Variants in GABRA4 observed in about 807,000 individuals in gnomAD.
The protein encoded by GABRA4 is gamma-aminobutyric acid type A receptor subunit alpha4.
A neutral mutation model predicts 49.7 loss-of-function variants in GABRA4; 12 were observed. That is an observed-to-expected ratio of 0.24 (90% CI 0.15 to 0.39). The LOEUF is 0.39. Ranked by LOEUF, GABRA4 falls within the 10% of genes least tolerant of loss-of-function variation. The pLI, the probability that GABRA4 is intolerant of heterozygous loss-of-function variation, is 1.00. For missense variants in GABRA4, 506 were observed against 686.0 expected (o/e 0.74, Z 2.93); for synonymous variants, 288 against 240.2 (o/e 1.20, Z -1.84).
At position 46,928,184 on chromosome 4, in the gene GABRA4, G is replaced by T; in HGVS notation, c.*41C>A. 7.0e-7 allele frequency: 1 copy of T among 1,434,786 alleles called. No homozygotes were observed. Among genetic ancestry groups the T allele is most frequent in the Non-Finnish European group, 9.4e-7 (1 of 1,059,038 alleles). 88.9% of individuals were successfully genotyped at this position (1,434,786 alleles called of 1,614,324 possible). Reference sequence around the variant, plus strand: ...TTAAAAACATTTAAAAAGACATTCTGCATTTTCATCATCTTTTAGCAAACT... The same window carrying T: ...TTAAAAACATTTAAAAAGACATTCTTCATTTTCATCATCTTTTAGCAAACT... On this transcript the variant is annotated 3_prime_UTR_variant, in exon 9 of 9. Transcript: ENST00000264318.
Position 46,919,857 on chromosome 4 carries a change from G to A in GABRA4, c.*8368C>T, listed in dbSNP as rs1720909344. 1 of 151,666 alleles carries A rather than the reference G, an allele frequency of 6.6e-6. No individual in the cohort carries two copies. The highest frequency in any genetic ancestry group is 2.4e-5 in the African/African-American group (1 of 41,400). 9.4% of individuals were successfully genotyped at this position (151,666 alleles called of 1,614,324 possible). A position where few individuals can be genotyped will look rare whatever the true frequency, so the allele number is the denominator to read the frequency against. On this transcript the variant is annotated 3_prime_UTR_variant, in exon 9 of 9. Transcript: ENST00000264318. ...CTATTTCAAACTACAGACATTCAAA[G>A]TATTATCGCATAGATACACCTTTGC... is the stretch of plus-strand genomic sequence containing the variant.
chr4:46,972,951 T>C (rs780464195), intron 6 of GABRA4, among the ~76,000 whole-genome samples: 4 of 151,802 alleles, frequency 2.6e-5, no homozygotes, highest in Non-Finnish European at 5.9e-5. Flanking sequence ...GTCTTAGCAT[T>C]TTATCTCGCA....
chr4:46,965,014 C>T lies in GABRA4; in HGVS notation c.1090G>A (p.Ala364Thr), dbSNP rs769919150. 15 of 1,611,416 alleles carry T rather than the reference C, an allele frequency of 9.3e-6. No individual in the cohort carries two copies. The highest frequency in any genetic ancestry group is 1.3e-5 in the African/African-American group (1 of 74,670). ...KTSKPPQEVP[A>T]APVQREKHPE... is the part of the protein sequence containing the mutation. ...TGCTTCTCTCTCTGCACTGGAGCAG[C>T]GGGAACTTCCTGAGGGGGCTTTGAT... is the stretch of plus-strand genomic sequence containing the variant. Residue 364 changes from alanine (A) to threonine (T), a missense_variant, in exon 8 of 9, where the codon GCT becomes ACT. Transcript: ENST00000264318.
rs993031722 is a variant in GABRA4, at chr4:46,919,252, A to C, written c.*8973T>G. The C allele has an allele frequency of 1.3e-5, 2 of 151,622 alleles. No individual in the cohort carries two copies. Among genetic ancestry groups the C allele is most frequent in the African/African-American group, 4.8e-5 (2 of 41,430 alleles). The allele number at this position is 151,622 out of a possible 1,614,324, so 9.4% of individuals were successfully genotyped here. ...AAATCATTTCCTGATGAATTACTTTAAAATAGTAAACCAATATTTGATAAT... is the reference window on the plus strand; with the variant it reads ...AAATCATTTCCTGATGAATTACTTTCAAATAGTAAACCAATATTTGATAAT... On this transcript the variant is annotated 3_prime_UTR_variant, in exon 9 of 9. Transcript: ENST00000264318.
chr4:46,976,354 CAAAAAA>C (rs71193888), intron 5 of GABRA4, among the ~76,000 whole-genome samples: 4 of 51,758 alleles, frequency 7.7e-5, no homozygotes, highest in Non-Finnish European at 1.1e-4. Flanking sequence ...CACCCATTCT[CAAAAAA>C]AAAAAAAAAA....
At chr4:46,991,583 G>T (rs967634046) in intron 2 of GABRA4, among the ~76,000 whole-genome samples, 2 of 152,108 alleles carry the variant, frequency 1.3e-5, no homozygotes, top group African/African-American at 4.8e-5. Flanking sequence ...GTATAAAGTT[G>T]CTCCATGCTT....
Position 46,992,810 on chromosome 4 carries a change from G to C in GABRA4, c.205+18C>G. ...AGGGACAGACAGGACACACTTGCGC[G>C]TTTGAAATCGTTCATACCCCCAAAT... On this transcript the variant is annotated intron_variant, in intron 2 of 8. Coordinates refer to ENST00000264318, the MANE Select transcript of GABRA4 (RefSeq NM_000809.4). 1 of 1,569,084 alleles carries C rather than the reference G, an allele frequency of 6.4e-7. No individual in the cohort carries two copies. Among genetic ancestry groups the C allele is most frequent in the Non-Finnish European group, 8.8e-7 (1 of 1,138,850 alleles).
Position 46,971,165 on chromosome 4 carries a change from A to C in GABRA4, c.792T>G (p.Tyr264Ter). Residue 264 changes from tyrosine (Y) to a stop codon, truncating the protein, a stop_gained, in exon 7 of 9, where the codon TAT becomes TAG. Coordinates refer to ENST00000264318, the MANE Select transcript of GABRA4 (RefSeq NM_000809.4). LOFTEE classifies it high-confidence loss of function. ...GAATCACTGTCATAATGCACGGAAT[A>C]TAGGTCTGAATCATAAAATAACCCA... ...RKMGYFMIQTYIPCIMTVILS... is the reference protein window; with the variant it reads ...RKMGYFMIQT 1 of 1,609,454 alleles carries C rather than the reference A, an allele frequency of 6.2e-7. No homozygotes were observed. Among genetic ancestry groups the C allele is most frequent in the Non-Finnish European group, 8.5e-7 (1 of 1,176,786 alleles).
Position 46,939,556 on chromosome 4 carries a change from T to C in GABRA4, c.1135-10801A>G, listed in dbSNP as rs553883635. 1.7e-3 allele frequency among the ~76,000 whole-genome samples: 266 copies of C among 152,132 alleles called. 14 individuals carry two copies. In the South Asian group the frequency reaches 0.053, roughly 31 times the overall value. On this transcript the variant is annotated intron_variant, in intron 8 of 8. Coordinates refer to ENST00000264318, the MANE Select transcript of GABRA4 (RefSeq NM_000809.4). ...ATTCATTATTTGAATCCCAAATACA[T>C]ACTCTTAACCACTTCAAGAGGCCAC...
At chr4:46,946,702 T>A (rs1721992779) in intron 8 of GABRA4, among the ~76,000 whole-genome samples, 1 of 152,126 alleles carries the variant, frequency 6.6e-6, no homozygotes, top group African/African-American at 2.4e-5. Context: ...CACAAATTAG[T>A]CTTTTAACAA....
rs746394486 is a variant in GABRA4 at position 46,928,436 on chromosome 4, C to T, written c.1454G>A (p.Arg485Lys). ...TRHVFGSRLQ[R>K]IKTTVNTIGA... Reference sequence around the variant, plus strand: ...TATGGTATTAACTGTGGTCTTTATCCTCTGCAGTCTTGATCCAAACACGTG... The same window carrying T: ...TATGGTATTAACTGTGGTCTTTATCTTCTGCAGTCTTGATCCAAACACGTG... Residue 485 changes from arginine to lysine, a missense_variant, in exon 9 of 9, where the codon AGG becomes AAG. Transcript: ENST00000264318. 11 of 1,613,476 alleles carry T rather than the reference C, an allele frequency of 6.8e-6. No homozygotes were observed. In the South Asian group the frequency reaches 1.1e-4, roughly 16 times the overall value.
At chr4:46,970,800 A>G (rs2109384641) in intron 7 of GABRA4, among the ~76,000 whole-genome samples, 1 of 151,686 alleles carries the variant, frequency 6.6e-6, no homozygotes, top group Admixed American at 6.6e-5. Context: ...TAGGAGCCCA[A>G]GAATATCACT....
intron 8 of GABRA4, among the ~76,000 whole-genome samples, chr4:46,962,219 C>A (rs1256228007): frequency 1.3e-5 from 2 of 151,722 alleles, no homozygotes; most frequent in Non-Finnish European, 2.9e-5. Flanking sequence ...TTAAAGACTC[C>A]ACAAGAAAAC....
intron 8 of GABRA4, among the ~76,000 whole-genome samples, chr4:46,945,426 C>T (rs913239043): frequency 2.0e-5 from 3 of 152,082 alleles, no homozygotes; most frequent in Non-Finnish European, 2.9e-5. Context: ...GAAATATGAG[C>T]CTGTTCTTCA....
chr4:46,930,445 G>A (rs1480266385), intron 8 of GABRA4, among the ~76,000 whole-genome samples: 1 of 151,566 alleles, frequency 6.6e-6, no homozygotes. Context: ...AAAAGAACAA[G>A]GTATATCCTC....
chr4:46,954,633 A>G (rs1722281038), intron 8 of GABRA4, among the ~76,000 whole-genome samples: 1 of 152,092 alleles, frequency 6.6e-6, no homozygotes, highest in South Asian at 2.1e-4. Context: ...TAATACAGAC[A>G]TTTTTAATTA....
In GABRA4 at chr4:46,921,215, A is replaced by T. The variant is rs1282749803; in HGVS notation, c.*7010T>A. ...CATTTAAAAATTTTCCATTAAATGT[A>T]TCGTTATCCAAAAAGAAATTAAAAA... On this transcript the variant is annotated 3_prime_UTR_variant, in exon 9 of 9. Transcript: ENST00000264318. 3 of 151,818 alleles carry T rather than the reference A, an allele frequency of 2.0e-5. No individual in the cohort carries two copies. The highest frequency in any genetic ancestry group is 1.5e-5 in the Non-Finnish European group (1 of 67,844). The allele number at this position is 151,818 out of a possible 1,614,324, so 9.4% of individuals were successfully genotyped here. A position where few individuals can be genotyped will look rare whatever the true frequency, so the allele number is the denominator to read the frequency against.
rs533075645 is a variant in GABRA4, at chr4:46,925,675, A to G, written c.*2550T>C. The G allele has an allele frequency of 2.7e-4, 41 of 150,324 alleles. No homozygotes were observed. The highest frequency in any genetic ancestry group is 9.2e-4 in the African/African-American group (38 of 41,208). The allele number at this position is 150,324 out of a possible 1,614,324, so 9.3% of individuals were successfully genotyped here. A position where few individuals can be genotyped will look rare whatever the true frequency, so the allele number is the denominator to read the frequency against. ...ATAATGACCAAAATAAAAATCACTG[A>G]ATGAATTTGATGAAATTCAGTTAAG... On this transcript the variant is annotated 3_prime_UTR_variant, in exon 9 of 9. Coordinates refer to ENST00000264318, the MANE Select transcript of GABRA4 (RefSeq NM_000809.4).
chr4:46,937,728 CT>C (rs1721649284), intron 8 of GABRA4, among the ~76,000 whole-genome samples: 1 of 152,138 alleles, frequency 6.6e-6, no homozygotes, highest in African/African-American at 2.4e-5. Flanking sequence ...TCAAAATTGC[CT>C]AGATAAGATT....
Sources: allele counts gnomAD v4.1 joint callset (sites outside exome capture counted in the v4.1 genomes callset), GRCh38; gene constraint gnomAD v4.1.1; transcripts MANE v1.5; gene names NCBI Gene and HGNC (gene_info 2026-07-23, HGNC 2026-07-21).